ACTR3: variants seen among roughly 807,000 people sequenced by gnomAD.
The protein encoded by ACTR3 is actin related protein 3, also known as actin-related protein 3.
Under a neutral mutation model 56.8 loss-of-function variants are expected in ACTR3, and 12 were observed. The ratio of observed to expected loss-of-function variants is 0.21; its 90% CI spans 0.14 to 0.34. The LOEUF (loss-of-function observed/expected upper bound fraction) is 0.34. ACTR3 is among the 10% of genes least tolerant of loss of function. The pLI is 1.00. For synonymous variants in ACTR3, 162 were observed against 167.4 expected (o/e 0.97, Z 0.25); for missense variants, 282 against 512.5 (o/e 0.55, Z 4.34).
chr2:113,947,606 A>G (rs1680044044), intron 8 of ACTR3, among the ~76,000 whole-genome samples: 1 of 152,206 alleles, frequency 6.6e-6, no homozygotes, highest in Admixed American at 6.5e-5. Flanking sequence ...ACGAGCTGGC[A>G]TTGCACCATT....
At chr2:113,927,479 C>T (rs1482657379) in intron 4 of ACTR3, 24 bp downstream of exon 4, 1 of 1,499,514 alleles carries the variant, frequency 6.7e-7, no homozygotes, top group African/African-American at 1.4e-5. Context: ...TATAATTTCA[C>T]TGAGGAAATT....
chr2:113,959,034 T>C lies in ACTR3; in HGVS notation c.*1579T>C, dbSNP rs1680275640. The C allele has an allele frequency of 6.6e-6, 1 of 152,028 alleles. No homozygotes were observed. The highest frequency in any genetic ancestry group is 1.5e-5 in the Non-Finnish European group (1 of 67,916). 9.4% of individuals were successfully genotyped at this position (152,028 alleles called of 1,614,324 possible). On this transcript the variant is annotated 3_prime_UTR_variant, in exon 12 of 12. Coordinates refer to ENST00000263238, the MANE Select transcript of ACTR3 (RefSeq NM_005721.5). The stretch of plus-strand genomic sequence containing the variant: ...AGACAAACTATATCCTACAGTAGTA[T>C]CATCATCAGTATCAAAGGTCTCCTT...
At chr2:113,912,689 G>A (rs1679329664) in intron 1 of ACTR3, among the ~76,000 whole-genome samples, 1 of 151,932 alleles carries the variant, frequency 6.6e-6, no homozygotes, top group Non-Finnish European at 1.5e-5. Flanking sequence ...CTCCCCATTA[G>A]TTTTATACAG....
At chr2:113,921,609 G>C (rs546731691) in intron 3 of ACTR3, among the ~76,000 whole-genome samples, 1 of 152,144 alleles carries the variant, frequency 6.6e-6, no homozygotes. Context: ...TTGGGTCTTA[G>C]ATTTAAATCT....
intron 3 of ACTR3, among the ~76,000 whole-genome samples, chr2:113,925,541 A>G (rs942030058): frequency 3.3e-5 from 5 of 152,152 alleles, no homozygotes; most frequent in African/African-American, 1.2e-4. Flanking sequence ...ATTTGTTCGT[A>G]TATATTTCTT....
chr2:113,908,326 G>C (rs1679240490), intron 1 of ACTR3, among the ~76,000 whole-genome samples: 1 of 150,964 alleles, frequency 6.6e-6, no homozygotes, highest in African/African-American at 2.4e-5. Context: ...CTTCTTTATG[G>C]TGACTATCGA....
intron 1 of ACTR3, among the ~76,000 whole-genome samples, chr2:113,911,649 C>T (rs772022072): frequency 4.6e-5 from 7 of 151,748 alleles, no homozygotes; most frequent in Non-Finnish European, 1.0e-4. Context: ...GAATTCCTCA[C>T]CTCAAGTGAT....
At position 113,890,287 on chromosome 2, in the gene ACTR3, G is replaced by A. The variant is rs747580075; in HGVS notation, c.8G>A (p.Gly3Glu). MA[G>E]RLPACVVDCG... ...CAGCAGGCGAGGAGGAAGATGGCGGGACGGCTGCCGGCCTGTGTGGTGGAC... is the reference window on the plus strand; with the variant it reads ...CAGCAGGCGAGGAGGAAGATGGCGGAACGGCTGCCGGCCTGTGTGGTGGAC... Residue 3 changes from glycine to glutamate, a missense_variant, in exon 1 of 12, where the codon GGA becomes GAA. Transcript: ENST00000263238. 3.9e-6 allele frequency: 6 copies of A among 1,550,658 alleles called. No homozygotes were observed. In the Admixed American group the frequency reaches 5.9e-5, roughly 15 times the overall value.
chr2:113,951,433 G>T, intron 8 of ACTR3, 46 bp from the exon 9 acceptor site: 2 of 1,304,358 alleles, frequency 1.5e-6, no homozygotes, highest in South Asian at 1.2e-5. Context: ...TGTGATATTT[G>T]TCAGTAGTGA....
Position 113,957,529 on chromosome 2 carries a change from TG to T in ACTR3, c.*76del. ...TTTCTGATTACCTGTTTTGTCTGGA[TG>T]GCTGGTTTTGAGGTTTTAAACCTGA... On this transcript the variant is annotated 3_prime_UTR_variant, in exon 12 of 12. Transcript: ENST00000263238. 1 of 1,258,928 alleles carries T rather than the reference TG, an allele frequency of 7.9e-7. No homozygotes were observed. Among genetic ancestry groups the T allele is most frequent in the Non-Finnish European group, 1.2e-6 (1 of 865,478 alleles). 78.0% of individuals were successfully genotyped at this position (1,258,928 alleles called of 1,614,324 possible).
chr2:113,961,769 A>G lies in ACTR3; in HGVS notation c.*4314A>G, dbSNP rs948835367. On this transcript the variant is annotated 3_prime_UTR_variant, in exon 12 of 12. Coordinates refer to ENST00000263238, the MANE Select transcript of ACTR3 (RefSeq NM_005721.5). ...ATATTTTGCCTAGATAAGATTTGAG[A>G]GATAGTAAGTGCGGAATTTCTCTTC... 6.6e-6 allele frequency: 1 copy of G among 151,972 alleles called. No individual in the cohort carries two copies. Among genetic ancestry groups the G allele is most frequent in the Non-Finnish European group, 1.5e-5 (1 of 67,886 alleles). 9.4% of individuals were successfully genotyped at this position (151,972 alleles called of 1,614,324 possible). A position where few individuals can be genotyped will look rare whatever the true frequency, so the allele number is the denominator to read the frequency against.
rs965820514 is a variant in ACTR3 at position 113,957,055 on chromosome 2, C to G, written c.1162-305C>G. 3.0e-4 allele frequency among the ~76,000 whole-genome samples: 45 copies of G among 152,174 alleles called. 1 individual carries two copies. The highest frequency in any genetic ancestry group is 2.7e-3 in the Admixed American group (41 of 15,278). ...GTGCAATGAAAGTATGGGAAAGTCT[C>G]AACAGAACAGACTGGACATTTGAGA... On this transcript the variant is annotated intron_variant, in intron 11 of 11. Transcript: ENST00000263238.
rs950199009 is a variant in ACTR3, at chr2:113,890,446, C to G, written c.44+123C>G. 3.8e-6 allele frequency: 5 copies of G among 1,299,644 alleles called. No homozygotes were observed. In the Admixed American group the frequency reaches 8.6e-5, roughly 22 times the overall value. 80.5% of individuals were successfully genotyped at this position (1,299,644 alleles called of 1,614,324 possible). ...CCGCCGCCGGCTGTCAGTCCTAGAC[C>G]CGCCGGCCAGCGAGGGGTGGGGCCC... On this transcript the variant is annotated intron_variant, in intron 1 of 11. Coordinates refer to ENST00000263238, the MANE Select transcript of ACTR3 (RefSeq NM_005721.5).
chr2:113,912,789 C>G (rs761608193), intron 1 of ACTR3, among the ~76,000 whole-genome samples: 9 of 152,120 alleles, frequency 5.9e-5, no homozygotes, highest in Non-Finnish European at 1.2e-4. Context: ...TAAGAGCTTC[C>G]TCATTCTATT....
In ACTR3 at chr2:113,959,765, T is replaced by C. The variant is rs1196389894; in HGVS notation, c.*2310T>C. On this transcript the variant is annotated 3_prime_UTR_variant, in exon 12 of 12. Transcript: ENST00000263238. ...TGGCCAAGGTGAACTAAATAGTCTG[T>C]AACATTGATTAGATATCAAGCAACG... is the stretch of plus-strand genomic sequence containing the variant. 3 of 152,050 alleles carry C rather than the reference T, an allele frequency of 2.0e-5. No homozygotes were observed. Among genetic ancestry groups the C allele is most frequent in the Non-Finnish European group, 4.4e-5 (3 of 67,920 alleles). 9.4% of individuals were successfully genotyped at this position (152,050 alleles called of 1,614,324 possible). A position where few individuals can be genotyped will look rare whatever the true frequency, so the allele number is the denominator to read the frequency against.
chr2:113,901,970 T>C (rs1436077913), intron 1 of ACTR3, among the ~76,000 whole-genome samples: 2 of 152,254 alleles, frequency 1.3e-5, no homozygotes, highest in Non-Finnish European at 2.9e-5. Flanking sequence ...TAAGTTGTTT[T>C]ACTACTGAAA....
At chr2:113,933,765 C>T (rs13396357) in intron 5 of ACTR3, 3,961 of 150,008 alleles carry the variant, frequency 0.026, 140 homozygotes, top group African/African-American at 0.078. Flanking sequence ...TTGCAAGCTC[C>T]GCCTCCCGGG....
At position 113,948,415 on chromosome 2, in the gene ACTR3, G is replaced by A. The variant is rs968507617; in HGVS notation, c.859-3064G>A. ...TTCACCCATCTTGCCCTCCCAAAGC[G>A]CTGGGATTATAGGAATGAGCCACTG... On this transcript the variant is annotated intron_variant, in intron 8 of 11. Transcript: ENST00000263238. 4.6e-5 allele frequency among the ~76,000 whole-genome samples: 7 copies of A among 152,140 alleles called. No homozygotes were observed. The South Asian group carries it at 6.2e-4, about 13-fold the overall frequency.
chr2:113,889,999 G>A, upstream of ACTR3: 1 of 548,352 alleles, frequency 1.8e-6, no homozygotes, highest in South Asian at 2.2e-5. Context: ...AGGGGAAGAA[G>A]TTGTAGGGTG....
Sources: allele counts gnomAD v4.1 joint callset (sites outside exome capture counted in the v4.1 genomes callset), GRCh38; gene constraint gnomAD v4.1.1; transcripts MANE v1.5; gene names NCBI Gene and HGNC (gene_info 2026-07-23, HGNC 2026-07-21).